The following IL1RAPL2 variants were observed in gnomAD, a reference collection of about 807,000 sequenced individuals.
IL1RAPL2 encodes the protein interleukin 1 receptor accessory protein like 2.
In IL1RAPL2, 3 loss-of-function variants were observed where a neutral mutation model predicts 44.1. The observed-to-expected ratio is 0.07, with a 90% CI of 0.03 to 0.18. The LOEUF (loss-of-function observed/expected upper bound fraction) is 0.18, where lower values mean the gene tolerates loss of function less well. Among genes scored for constraint, IL1RAPL2 ranks in the 10% least tolerant of loss-of-function variants. The pLI is 1.00. For missense variants in IL1RAPL2, 391 were observed against 496.4 expected (o/e 0.79, Z 2.02); for synonymous variants, 181 against 178.8 (o/e 1.01, Z -0.10).
intron 5 of IL1RAPL2, among the ~76,000 whole-genome samples, chrX:105,369,962 G>A (rs1287290789): frequency 8.9e-6 from 1 of 111,840 alleles, no homozygotes; most frequent in Non-Finnish European, 1.9e-5. Context: ...ATTTTCACTA[G>A]TTGCCATCAT....
chrX:105,256,027 T>G (rs2034311606), intron 4 of IL1RAPL2, among the ~76,000 whole-genome samples: 1 of 112,055 alleles, frequency 8.9e-6, no homozygotes, highest in South Asian at 3.7e-4. Flanking sequence ...TATATTAACT[T>G]TAGATGTGCT....
At chrX:105,475,637 T>G (rs1483915612) in intron 5 of IL1RAPL2, among the ~76,000 whole-genome samples, 1 of 109,329 alleles carries the variant, frequency 9.1e-6, no homozygotes, top group Non-Finnish European at 1.9e-5. Flanking sequence ...AAGAAAAATC[T>G]TACTTGAGGG....
At chrX:105,067,308 G>A (rs1419631652) in intron 2 of IL1RAPL2, among the ~76,000 whole-genome samples, 2 of 110,642 alleles carry the variant, frequency 1.8e-5, no homozygotes, top group African/African-American at 6.6e-5. Flanking sequence ...TTCCACCTAT[G>A]CTGGAGGCTT....
intron 2 of IL1RAPL2, among the ~76,000 whole-genome samples, chrX:104,921,516 C>T (rs1024749087): frequency 8.9e-6 from 1 of 112,416 alleles, no homozygotes; most frequent in African/African-American, 3.2e-5. Flanking sequence ...CAGTTCACCC[C>T]CCTGTCACAT....
intron 6 of IL1RAPL2, among the ~76,000 whole-genome samples, chrX:105,576,004 AC>A (rs2037047671): frequency 9.0e-6 from 1 of 111,207 alleles, no homozygotes; most frequent in South Asian, 3.8e-4. Context: ...TCATTTGCCC[AC>A]TTTTTAATGG....
At chrX:105,514,586 G>A (rs1237189942) in intron 6 of IL1RAPL2, among the ~76,000 whole-genome samples, 1 of 112,179 alleles carries the variant, frequency 8.9e-6, no homozygotes. Flanking sequence ...TAAGCATTAC[G>A]TTACAACTCA....
intron 3 of IL1RAPL2, among the ~76,000 whole-genome samples, chrX:105,214,035 A>G (rs782286314): frequency 2.8e-5 from 3 of 107,145 alleles, no homozygotes; most frequent in African/African-American, 1.0e-4. Context: ...CCAAAATATA[A>G]AGACCTCTAT....
At chrX:105,168,322 C>T (rs1894447) in intron 2 of IL1RAPL2, among the ~76,000 whole-genome samples, 21,699 of 110,006 alleles carry the variant, frequency 0.2, 1,868 homozygotes, top group South Asian at 0.31. Context: ...CCTCTAAATG[C>T]GGGGCTATTC....
intron 2 of IL1RAPL2, among the ~76,000 whole-genome samples, chrX:105,189,321 C>T (rs1387275073): frequency 8.9e-6 from 1 of 112,354 alleles, no homozygotes; most frequent in Non-Finnish European, 1.9e-5. Flanking sequence ...CTGCTCACTG[C>T]AACCTCTGCC....
At chrX:104,681,259 A>G (rs1476557590) in intron 2 of IL1RAPL2, among the ~76,000 whole-genome samples, 1 of 112,517 alleles carries the variant, frequency 8.9e-6, no homozygotes, top group African/African-American at 3.2e-5. Context: ...TCAAATACAG[A>G]AAAACTTAAT....
chrX:104,730,340 A>G (rs1024642094), intron 2 of IL1RAPL2, among the ~76,000 whole-genome samples: 44 of 93,477 alleles, frequency 4.7e-4, no homozygotes, highest in Non-Finnish European at 8.8e-4. Flanking sequence ...GTCATTTAGC[A>G]TTAGGTGTAT....
At chrX:105,261,021 A>G (rs1025170595) in intron 4 of IL1RAPL2, among the ~76,000 whole-genome samples, 1 of 111,717 alleles carries the variant, frequency 9.0e-6, no homozygotes, top group Non-Finnish European at 1.9e-5. Flanking sequence ...CCCTTTCTGG[A>G]AAGCCCAAGT....
At chrX:104,903,718 C>T (rs1602799029) in intron 2 of IL1RAPL2, among the ~76,000 whole-genome samples, 2 of 110,530 alleles carry the variant, frequency 1.8e-5, no homozygotes, top group Non-Finnish European at 1.9e-5. Context: ...GCTGGGACTA[C>T]AGGCACGCAT....
chrX:104,864,381 T>G (rs981735137), intron 2 of IL1RAPL2, among the ~76,000 whole-genome samples: 1 of 112,217 alleles, frequency 8.9e-6, no homozygotes, highest in Non-Finnish European at 1.9e-5. Flanking sequence ...TATCCTAAGA[T>G]AGCAAGGCAG....
intron 4 of IL1RAPL2, among the ~76,000 whole-genome samples, chrX:105,243,680 C>CT (rs1218150302): frequency 9.6e-6 from 1 of 104,053 alleles, no homozygotes; most frequent in Non-Finnish European, 1.9e-5. Context: ...ATAGGGTTTT[C>CT]TTTTTAACAT....
At chrX:105,103,696 A>G (rs1433624665) in intron 2 of IL1RAPL2, among the ~76,000 whole-genome samples, 4 of 111,703 alleles carry the variant, frequency 3.6e-5, no homozygotes, top group African/African-American at 9.8e-5. Flanking sequence ...TCAAAGTAGA[A>G]CTAGGCTAGG....
intron 5 of IL1RAPL2, among the ~76,000 whole-genome samples, chrX:105,422,697 G>A (rs189399100): frequency 9.0e-6 from 1 of 111,489 alleles, no homozygotes; most frequent in Admixed American, 9.5e-5. Flanking sequence ...GATCAGCAAC[G>A]TTTTAAGCAA....
At chrX:105,034,630 G>A (rs928017374) in intron 2 of IL1RAPL2, among the ~76,000 whole-genome samples, 16 of 112,174 alleles carry the variant, frequency 1.4e-4, no homozygotes, top group Admixed American at 1.9e-4. Flanking sequence ...ACCCGGTCAT[G>A]TGAGGTGTCA....
chrX:104,723,755 T>C (rs1931732856), intron 2 of IL1RAPL2, among the ~76,000 whole-genome samples: 1 of 111,130 alleles, frequency 9.0e-6, no homozygotes, highest in Non-Finnish European at 1.9e-5. Flanking sequence ...TGGAGTTTCA[T>C]TTTCTATGAT....
Sources: gnomAD v4.1 joint callset for allele counts (sites outside exome capture counted in the v4.1 genomes callset) on GRCh38, gnomAD v4.1.1 for gene constraint, MANE v1.5 for transcripts, NCBI Gene and HGNC (gene_info 2026-07-23, HGNC 2026-07-21) for gene names.